MICU1: variants seen among roughly 807,000 people sequenced by gnomAD.
The protein encoded by MICU1 is mitochondrial calcium uptake 1.
In MICU1, 45 loss-of-function variants were observed where a neutral mutation model predicts 56.8. That is an observed-to-expected ratio of 0.79 (90% CI 0.62 to 1.02). The LOEUF is 1.02. Among genes scored for constraint, MICU1 ranks in the 50% least tolerant of loss-of-function variants. MICU1 has a pLI of 0.00. For missense variants in MICU1, 504 were observed against 587.1 expected (o/e 0.86, Z 1.46); for synonymous variants, 186 against 195.1 (o/e 0.95, Z 0.39).
intron 1 of MICU1, among the ~76,000 whole-genome samples, chr10:72,617,073 G>A (rs1816920180): frequency 6.6e-6 from 1 of 152,054 alleles, no homozygotes; most frequent in South Asian, 2.1e-4. Flanking sequence ...ATTTTTGTCT[G>A]CTTTTTTAGC....
intron 1 of MICU1, among the ~76,000 whole-genome samples, chr10:72,581,845 T>C (rs1840908158): frequency 6.6e-6 from 1 of 152,200 alleles, no homozygotes; most frequent in African/African-American, 2.4e-5. Context: ...CCTTTTCCGG[T>C]TCTAAGAGTT....
chr10:72,565,035 C>T (rs528085358), intron 2 of MICU1, among the ~76,000 whole-genome samples: 6 of 151,554 alleles, frequency 4.0e-5, no homozygotes, highest in Non-Finnish European at 5.9e-5. Flanking sequence ...AATCCCAACA[C>T]TTTAGGAGGC....
intron 6 of MICU1, 102 bp downstream of exon 6, chr10:72,508,053 C>G (rs1867313717): frequency 1.9e-6 from 1 of 536,416 alleles, no homozygotes. Flanking sequence ...CATTATAATT[C>G]ATTAACTCTA....
At chr10:72,556,602 G>C (rs1840164886) in intron 3 of MICU1, among the ~76,000 whole-genome samples, 1 of 152,160 alleles carries the variant, frequency 6.6e-6, no homozygotes, top group South Asian at 2.1e-4. Context: ...GCCTCCCATA[G>C]TGCTGGGATT....
At chr10:72,410,891 G>A (rs1863786880) in intron 9 of MICU1, among the ~76,000 whole-genome samples, 1 of 152,196 alleles carries the variant, frequency 6.6e-6, no homozygotes, top group Non-Finnish European at 1.5e-5. Context: ...CAATATCATT[G>A]CTTGTGGATG....
chr10:72,452,625 G>C (rs946069454), intron 8 of MICU1, among the ~76,000 whole-genome samples: 2 of 152,168 alleles, frequency 1.3e-5, no homozygotes, highest in African/African-American at 4.8e-5. Flanking sequence ...ATTCAGTACA[G>C]TAACATACTT....
chr10:72,445,113 A>G (rs1210269260), intron 8 of MICU1, among the ~76,000 whole-genome samples: 1 of 152,230 alleles, frequency 6.6e-6, no homozygotes, highest in Non-Finnish European at 1.5e-5. Context: ...TATCTAAAAG[A>G]CTGAAAGAAA....
chr10:72,563,665 T>C (rs1158491373), intron 2 of MICU1, among the ~76,000 whole-genome samples: 1 of 152,232 alleles, frequency 6.6e-6, no homozygotes, highest in Admixed American at 6.5e-5. Context: ...ATGATGTGAA[T>C]ACCCTTTAAA....
intron 8 of MICU1, among the ~76,000 whole-genome samples, chr10:72,446,886 A>G: frequency 6.6e-6 from 1 of 152,208 alleles, no homozygotes; most frequent in East Asian, 1.9e-4. Flanking sequence ...TTGTGGTCAC[A>G]CTTGCTTCTG....
At chr10:72,425,429 C>A (rs532840794) in intron 8 of MICU1, among the ~76,000 whole-genome samples, 1 of 152,330 alleles carries the variant, frequency 6.6e-6, no homozygotes, top group East Asian at 1.9e-4. Context: ...CACAAGGCCT[C>A]GCCTCTGTTT....
chr10:72,540,203 G>A (rs1045014688), intron 4 of MICU1, among the ~76,000 whole-genome samples: 1 of 150,940 alleles, frequency 6.6e-6, no homozygotes, highest in Non-Finnish European at 1.5e-5. Flanking sequence ...GGAGATGGAG[G>A]TTGCAGTGAG....
intron 1 of MICU1, among the ~76,000 whole-genome samples, chr10:72,589,234 G>A (rs1042515595): frequency 5.3e-5 from 8 of 152,008 alleles, no homozygotes; most frequent in Admixed American, 4.6e-4. Context: ...GGTTGCAGTG[G>A]GCCGAGATTG....
intron 1 of MICU1, among the ~76,000 whole-genome samples, chr10:72,592,309 G>A (rs1477496779): frequency 6.6e-6 from 1 of 151,698 alleles, no homozygotes; most frequent in Non-Finnish European, 1.5e-5. Flanking sequence ...TGCCCAGCCT[G>A]AGACCCTGTT....
chr10:72,509,913 C>T (rs1031339765), intron 5 of MICU1, among the ~76,000 whole-genome samples: 8 of 151,960 alleles, frequency 5.3e-5, no homozygotes, highest in African/African-American at 9.7e-5. Flanking sequence ...GCATTTTTTA[C>T]GTTACCCAAG....
intron 1 of MICU1, among the ~76,000 whole-genome samples, chr10:72,604,361 C>G (rs998278222): frequency 8.0e-5 from 12 of 150,306 alleles, no homozygotes; most frequent in Non-Finnish European, 1.6e-4. Context: ...GCAACCTCCC[C>G]CTCCTGGGTT....
intron 5 of MICU1, among the ~76,000 whole-genome samples, chr10:72,525,635 G>A (rs1054712715): frequency 4.6e-5 from 7 of 152,054 alleles, no homozygotes; most frequent in Non-Finnish European, 1.0e-4. Context: ...TTACGCAGAG[G>A]GTATACTAGT....
chr10:72,547,544 T>TATAC (rs1478853101), intron 4 of MICU1, among the ~76,000 whole-genome samples: 1 of 150,078 alleles, frequency 6.7e-6, no homozygotes, highest in Non-Finnish European at 1.5e-5. Context: ...TATATATATA[T>TATAC]ATATATAAAG....
rs141511587 is a variant in MICU1 at position 72,383,220 on chromosome 10, T to G, written c.1181-7348A>C. Among the ~76,000 whole-genome samples, 32 of 142,750 alleles carry G rather than the reference T, an allele frequency of 2.2e-4. 1 individual carries two copies. In the East Asian group the frequency reaches 6.2e-3, roughly 28 times the overall value. The allele number at this position is 142,750 out of a possible 152,430, so 93.6% of individuals were successfully genotyped here. A position where few individuals can be genotyped will look rare whatever the true frequency, so the allele number is the denominator to read the frequency against. On this transcript the variant is annotated intron_variant, in intron 10 of 11. Coordinates refer to ENST00000361114, the MANE Select transcript of MICU1 (RefSeq NM_001195518.2). Reference sequence around the variant, plus strand: ...ATGACTGCACAACTGTACTCCAACCTAGGCAACAGAGCAAGACCCTGTCTC... The same window carrying G: ...ATGACTGCACAACTGTACTCCAACCGAGGCAACAGAGCAAGACCCTGTCTC...
chr10:72,603,386 C>CAA (rs59129933), intron 1 of MICU1, among the ~76,000 whole-genome samples: 61,834 of 129,104 alleles, frequency 0.48, 17,605 homozygotes, highest in Non-Finnish European at 0.68. Flanking sequence ...GACTCTGTCT[C>CAA]AAAAAAAAAA....
Sources: gnomAD v4.1 joint callset for allele counts (sites outside exome capture counted in the v4.1 genomes callset) on GRCh38, gnomAD v4.1.1 for gene constraint, MANE v1.5 for transcripts, NCBI Gene and HGNC (gene_info 2026-07-23, HGNC 2026-07-21) for gene names.